DENND2A: variants seen among roughly 807,000 people sequenced by gnomAD.
The protein encoded by DENND2A is DENN domain containing 2A.
In DENND2A, 53 loss-of-function variants were observed where a neutral mutation model predicts 105.3. That is an observed-to-expected ratio of 0.50 (90% CI 0.40 to 0.63). DENND2A has a LOEUF of 0.63. Ranked by LOEUF, DENND2A falls within the 30% of genes least tolerant of loss-of-function variation. The pLI is 0.00. For missense variants in DENND2A, 1,138 were observed against 1,279.6 expected (o/e 0.89, Z 1.69); for synonymous variants, 522 against 508.4 (o/e 1.03, Z -0.36).
Position 140,546,944 on chromosome 7 carries a change from A to G in DENND2A, c.2038-5T>C. On this transcript the variant is annotated splice_polypyrimidine_tract_variant and splice_region_variant and intron_variant, in intron 12 of 19. Coordinates refer to ENST00000496613, the MANE Select transcript of DENND2A (RefSeq NM_015689.5). ...TTTTTCCACCTCATCCAAGATCTGC[A>G]AGGGTCAGAAAAGCAGCTTAGCTAT... 1 of 1,610,902 alleles carries G rather than the reference A, an allele frequency of 6.2e-7. No individual in the cohort carries two copies. The highest frequency in any genetic ancestry group is 1.3e-5 in the African/African-American group (1 of 75,014).
At chr7:140,631,414 G>T (rs1315388452) in intron 1 of DENND2A, among the ~76,000 whole-genome samples, 1 of 152,012 alleles carries the variant, frequency 6.6e-6, no homozygotes, top group Non-Finnish European at 1.5e-5. Flanking sequence ...ATCTCTCTCA[G>T]TTCTGTACCA....
At chr7:140,601,312 A>G (rs1799474027) in intron 3 of DENND2A, 91 bp downstream of exon 3, 2 of 1,477,250 alleles carry the variant, frequency 1.4e-6, no homozygotes, top group South Asian at 2.8e-5. Flanking sequence ...AATAAAACAA[A>G]TAATTCAGCT....
chr7:140,638,072 A>T (rs574180971), intron 1 of DENND2A, among the ~76,000 whole-genome samples: 3 of 152,060 alleles, frequency 2.0e-5, no homozygotes, highest in Admixed American at 6.5e-5. Context: ...CCAGCAACGA[A>T]GATTTTTTTT....
intron 1 of DENND2A, among the ~76,000 whole-genome samples, chr7:140,639,725 C>G (rs1801113043): frequency 2.0e-5 from 3 of 152,226 alleles, no homozygotes; most frequent in Admixed American, 2.0e-4. Context: ...TGAATCGCAT[C>G]TGAACAGCAG....
rs113638623 is a variant in DENND2A at position 140,582,211 on chromosome 7, C to T, written c.1245+3378G>A. ...AACTCCTGACCTCAGGTGATCCACC[C>T]GCCTTGGCCTCCCAAAGTGCTAGGA... On this transcript the variant is annotated intron_variant, in intron 5 of 19. Coordinates refer to ENST00000496613, the MANE Select transcript of DENND2A (RefSeq NM_015689.5). Among the ~76,000 whole-genome samples, 138 of 152,222 alleles carry T rather than the reference C, an allele frequency of 9.1e-4. 3 individuals carry two copies. The highest frequency in any genetic ancestry group is 3.1e-3 in the African/African-American group (129 of 41,542).
At chr7:140,585,520 A>G (rs1798740143) in intron 5 of DENND2A, 69 bp downstream of exon 5, 1 of 1,599,772 alleles carries the variant, frequency 6.3e-7, no homozygotes, top group East Asian at 2.2e-5. Flanking sequence ...TGCTGGCCGG[A>G]ACTCCAGAGT....
intron 1 of DENND2A, among the ~76,000 whole-genome samples, chr7:140,621,495 T>A (rs1800291340): frequency 6.6e-6 from 1 of 150,826 alleles, no homozygotes; most frequent in South Asian, 2.1e-4. Flanking sequence ...TAGGCATAAC[T>A]ACATTGTACA....
chr7:140,550,977 G>A (rs60750216), intron 12 of DENND2A, among the ~76,000 whole-genome samples: 79,417 of 151,604 alleles, frequency 0.52, 21,871 homozygotes, highest in East Asian at 0.83. Flanking sequence ...AAACACACCT[G>A]AAAAGGCTGC....
At chr7:140,638,152 A>G (rs2130749363) in intron 1 of DENND2A, among the ~76,000 whole-genome samples, 1 of 152,284 alleles carries the variant, frequency 6.6e-6, no homozygotes, top group East Asian at 1.9e-4. Flanking sequence ...CAATTCCAGG[A>G]AAAATTTTGT....
intron 3 of DENND2A, among the ~76,000 whole-genome samples, chr7:140,588,176 G>T (rs1328436762): frequency 1.3e-5 from 2 of 152,290 alleles, no homozygotes; most frequent in Non-Finnish European, 2.9e-5. Flanking sequence ...CTCCAAAAGT[G>T]CTGGGATTAT....
intron 13 of DENND2A, 52 bp downstream of exon 13, chr7:140,546,747 G>T (rs1796926120): frequency 1.1e-5 from 18 of 1,602,270 alleles, no homozygotes; most frequent in Non-Finnish European, 1.4e-5. Flanking sequence ...CGGAGACTCG[G>T]CTGTCTGGGC....
At chr7:140,545,288 G>A (rs1796849260) in intron 13 of DENND2A, among the ~76,000 whole-genome samples, 1 of 152,120 alleles carries the variant, frequency 6.6e-6, no homozygotes. Flanking sequence ...TGTTTTTTAG[G>A]TAACCCTGAC....
chr7:140,583,960 G>T (rs887497733), intron 5 of DENND2A, among the ~76,000 whole-genome samples: 8 of 132,568 alleles, frequency 6.0e-5, no homozygotes, highest in Non-Finnish European at 1.1e-4. Context: ...TCAGCATTCA[G>T]GTCAGGTGCG....
At chr7:140,576,634 C>A (rs1392881087) in intron 5 of DENND2A, among the ~76,000 whole-genome samples, 3 of 152,218 alleles carry the variant, frequency 2.0e-5, no homozygotes, top group Non-Finnish European at 4.4e-5. Flanking sequence ...ACTTCAGAAT[C>A]TTTTCTTTTT....
At chr7:140,541,165 C>G (rs2130510525) in intron 14 of DENND2A, among the ~76,000 whole-genome samples, 1 of 151,510 alleles carries the variant, frequency 6.6e-6, no homozygotes, top group South Asian at 2.1e-4. Flanking sequence ...AGTTTTTTTT[C>G]TTCTCCTTAA....
chr7:140,628,621 C>A (rs1800622139), intron 1 of DENND2A, among the ~76,000 whole-genome samples: 1 of 145,724 alleles, frequency 6.9e-6, no homozygotes, highest in Non-Finnish European at 1.5e-5. Flanking sequence ...CTCACGGTAA[C>A]CTCTGCCTCC....
At chr7:140,591,525 T>C (rs1327610720) in intron 3 of DENND2A, among the ~76,000 whole-genome samples, 1 of 152,174 alleles carries the variant, frequency 6.6e-6, no homozygotes, top group East Asian at 1.9e-4. Context: ...GCCCAGTTTC[T>C]AGAACTAGTA....
At chr7:140,595,712 G>A (rs1400095199) in intron 3 of DENND2A, among the ~76,000 whole-genome samples, 1 of 151,844 alleles carries the variant, frequency 6.6e-6, no homozygotes, top group East Asian at 1.9e-4. Flanking sequence ...AGGTTGCAGT[G>A]AGTTGAGATT....
In DENND2A at chr7:140,569,652, T is replaced by C. The variant is rs946858070; in HGVS notation, c.1533A>G (p.Ser511=). Residue 511 remains serine (S), a synonymous_variant, in exon 7 of 20, where the codon TCA becomes TCG. Transcript: ENST00000496613. ...KRLSQSMESN[S]GKVTDENSES... Reference sequence around the variant, plus strand: ...TGGTGGTGGGGGTTCTACCTTTTCCTGAGTTGCTCTCCATTGACTGGGACA... The same window carrying C: ...TGGTGGTGGGGGTTCTACCTTTTCCCGAGTTGCTCTCCATTGACTGGGACA... 4 of 1,602,584 alleles carry C rather than the reference T, an allele frequency of 2.5e-6. No individual in the cohort carries two copies. Among genetic ancestry groups the C allele is most frequent in the Admixed American group, 1.7e-5 (1 of 60,018 alleles).
Sources: allele counts gnomAD v4.1 joint callset (sites outside exome capture counted in the v4.1 genomes callset), GRCh38; gene constraint gnomAD v4.1.1; transcripts MANE v1.5; gene names NCBI Gene and HGNC (gene_info 2026-07-23, HGNC 2026-07-21).